Variants in MAPK10 observed in about 807,000 individuals in gnomAD.
MAPK10 encodes the protein JNK3 alpha protein kinase.
MAPK10 carries 25 observed loss-of-function variants against 59.3 expected under a neutral mutation model. The ratio of observed to expected loss-of-function variants is 0.42; its 90% CI spans 0.31 to 0.59. MAPK10 has a LOEUF of 0.59. Among genes scored for constraint, MAPK10 ranks in the 20% least tolerant of loss-of-function variants. MAPK10 has a pLI of 0.15. For synonymous variants in MAPK10, 190 were observed against 200.5 expected, an observed-to-expected ratio of 0.95 and a Z score of 0.44; for missense variants, 351 against 568.9, an observed-to-expected ratio of 0.62 and a Z score of 3.90.
At position 86,185,328 on chromosome 4, in the gene MAPK10, T is replaced by C. The variant is rs369188099; in HGVS notation, c.66+9008A>G. Among the ~76,000 whole-genome samples, 67 of 152,218 alleles carry C rather than the reference T, an allele frequency of 4.4e-4. 3 individuals are homozygous for C. The South Asian group carries it at 0.013, about 31-fold the overall frequency. ...GTAGTTAGGACTATTTTTAAAAGGA[T>C]TGTCAGGAAAGATTTGCTTAAAAAT... On this transcript the variant is annotated intron_variant, in intron 3 of 13. Transcript: ENST00000641462.
chr4:86,413,110 T>C (rs1016648412), intron 1 of MAPK10, among the ~76,000 whole-genome samples: 1 of 152,096 alleles, frequency 6.6e-6, no homozygotes, highest in Non-Finnish European at 1.5e-5. Flanking sequence ...TTTTTGTTGA[T>C]GTTGATGCTA....
chr4:86,277,112 G>C (rs2094604444), intron 2 of MAPK10: 1 of 151,386 alleles, frequency 6.6e-6, no homozygotes, highest in Admixed American at 6.6e-5. Context: ...GCTCATACCA[G>C]CTCTCTAGCA....
chr4:86,359,960 A>C lies in MAPK10; in HGVS notation c.-424T>G, dbSNP rs557452968. The C allele has an allele frequency of 8.1e-6, 8 of 985,828 alleles. No homozygotes were observed. Among genetic ancestry groups the C allele is most frequent in the Non-Finnish European group, 7.2e-6 (6 of 829,950 alleles). 61.1% of individuals were successfully genotyped at this position (985,828 alleles called of 1,614,324 possible). Reference sequence around the variant, plus strand: ...CCCATAAAAATAAAAAGTGAAGGGGAGGTTAAAGAAAATAGAAGAAGAGTG... The same window carrying C: ...CCCATAAAAATAAAAAGTGAAGGGGCGGTTAAAGAAAATAGAAGAAGAGTG... On this transcript the variant is annotated 5_prime_UTR_variant, in exon 1 of 14. Coordinates refer to ENST00000641462, the MANE Select transcript of MAPK10 (RefSeq NM_138982.4).
rs909353412 is a variant in MAPK10 at position 86,068,656 on chromosome 4, C to A, written c.803-701G>T. On this transcript the variant is annotated intron_variant, in intron 9 of 13. Coordinates refer to ENST00000641462, the MANE Select transcript of MAPK10 (RefSeq NM_138982.4). ...CAGAGGAATATTCAATTTAAAACAA[C>A]AGATTTCTATCCAAGTACATCCAAG... is the stretch of plus-strand genomic sequence containing the variant. Among the ~76,000 whole-genome samples, 8 of 152,052 alleles carry A rather than the reference C, an allele frequency of 5.3e-5. 1 individual carries two copies. Among genetic ancestry groups the A allele is most frequent in the Admixed American group, 4.6e-4 (7 of 15,270 alleles).
chr4:86,500,881 G>A (rs140092122), intron 1 of MAPK10, among the ~76,000 whole-genome samples: 2 of 152,022 alleles, frequency 1.3e-5, no homozygotes, highest in Admixed American at 6.6e-5. Context: ...ATAAATTCCA[G>A]CACAATTTAA....
intron 2 of MAPK10, among the ~76,000 whole-genome samples, chr4:86,281,783 G>A (rs1345714072): frequency 2.6e-5 from 4 of 151,934 alleles, no homozygotes; most frequent in Non-Finnish European, 4.4e-5. Flanking sequence ...GTAAACAAAG[G>A]TAGATGTCTA....
At chr4:86,063,660 T>C (rs2046163959) in intron 11 of MAPK10, among the ~76,000 whole-genome samples, 1 of 152,104 alleles carries the variant, frequency 6.6e-6, no homozygotes, top group Admixed American at 6.6e-5. Flanking sequence ...TGAAAAATAT[T>C]TTTAAAATAG....
chr4:86,115,281 TGGGTGTGG>T (rs1374814192), intron 4 of MAPK10, among the ~76,000 whole-genome samples: 5 of 152,306 alleles, frequency 3.3e-5, no homozygotes, highest in African/African-American at 1.2e-4. Flanking sequence ...CTCTCTTGGC[TGGGTGTGG>T]GAGTTCCCCT....
intron 2 of MAPK10, among the ~76,000 whole-genome samples, chr4:86,317,221 C>T (rs535602877): frequency 6.6e-6 from 1 of 152,084 alleles, no homozygotes; most frequent in Non-Finnish European, 1.5e-5. Flanking sequence ...GGCTATTACG[C>T]TTTTCCTTTT....
chr4:86,432,864 G>A (rs1362376587), intron 1 of MAPK10, among the ~76,000 whole-genome samples: 1 of 152,150 alleles, frequency 6.6e-6, no homozygotes, highest in Non-Finnish European at 1.5e-5. Context: ...GGCAAACAAA[G>A]CATAAAGTTC....
intron 2 of MAPK10, among the ~76,000 whole-genome samples, chr4:86,247,320 T>C (rs889173086): frequency 6.6e-6 from 1 of 152,218 alleles, no homozygotes; most frequent in Non-Finnish European, 1.5e-5. Flanking sequence ...GCACCATATT[T>C]ACAAATCCTA....
chr4:86,046,023 G>A (rs998718994), intron 11 of MAPK10, among the ~76,000 whole-genome samples: 1 of 151,670 alleles, frequency 6.6e-6, no homozygotes, highest in African/African-American at 2.4e-5. Context: ...ACAAAGAATT[G>A]AGAATAAAAG....
intron 1 of MAPK10, among the ~76,000 whole-genome samples, chr4:86,570,975 C>T (rs1275029686): frequency 6.6e-6 from 1 of 152,012 alleles, no homozygotes; most frequent in Non-Finnish European, 1.5e-5. Flanking sequence ...ACCACAGACT[C>T]AGTTCCAGTT....
intron 9 of MAPK10, among the ~76,000 whole-genome samples, chr4:86,074,229 T>G (rs922175577): frequency 1.4e-5 from 2 of 140,150 alleles, no homozygotes; most frequent in Non-Finnish European, 3.1e-5. Context: ...CTGCCTTTTT[T>G]GTTTTCCATT....
intron 1 of MAPK10, among the ~76,000 whole-genome samples, chr4:86,403,700 AG>A (rs200074571): frequency 6.6e-6 from 1 of 152,150 alleles, no homozygotes; most frequent in African/African-American, 2.4e-5. Context: ...AAGTGCAAGC[AG>A]GGGAAATGCC....
chr4:86,559,025 C>A (rs1760474835), intron 1 of MAPK10, among the ~76,000 whole-genome samples: 1 of 152,080 alleles, frequency 6.6e-6, no homozygotes, highest in South Asian at 2.1e-4. Flanking sequence ...GCTATAAATC[C>A]AGTTACAACT....
chr4:86,354,729 A>T (rs1564667633), intron 1 of MAPK10, 85 bp from the exon 2 acceptor site: 1 of 460,256 alleles, frequency 2.2e-6, no homozygotes. Context: ...CATCAAAGAC[A>T]GTTGGTTACT....
chr4:86,247,903 A>C (rs1563561635), intron 2 of MAPK10, among the ~76,000 whole-genome samples: 1 of 152,196 alleles, frequency 6.6e-6, no homozygotes. Context: ...ATCCTTCAAA[A>C]AATTTAAAAG....
At chr4:86,107,914 T>C (rs991456443) in intron 4 of MAPK10, among the ~76,000 whole-genome samples, 2 of 152,152 alleles carry the variant, frequency 1.3e-5, no homozygotes, top group African/African-American at 4.8e-5. Context: ...CCCAGGCTAG[T>C]CTTGAACTCC....
Sources: gnomAD v4.1 joint callset for allele counts (sites outside exome capture counted in the v4.1 genomes callset) on GRCh38, gnomAD v4.1.1 for gene constraint, MANE v1.5 for transcripts, NCBI Gene and HGNC (gene_info 2026-07-23, HGNC 2026-07-21) for gene names.